Variants in AKR1C3 observed in about 807,000 individuals in gnomAD.
AKR1C3 encodes the protein 3-alpha hydroxysteroid dehydrogenase, type II.
A neutral mutation model predicts 43.6 loss-of-function variants in AKR1C3; 48 were observed. The observed-to-expected ratio is 1.10, with a 90% CI of 0.87 to 1.40. The LOEUF is 1.40. Among genes scored for constraint, AKR1C3 ranks in the 40% most tolerant of loss-of-function variants. The probability of loss-of-function intolerance (pLI) is 0.00; values close to 1 mark genes in which losing one functional copy is unlikely to be tolerated. For synonymous variants in AKR1C3, 162 were observed against 139.6 expected, an observed-to-expected ratio of 1.16 and a Z score of -1.13; for missense variants, 482 against 391.2, an observed-to-expected ratio of 1.23 and a Z score of -1.96.
chr10:5,093,281 G>A (rs1554784609), upstream of AKR1C3: 2 of 152,002 alleles, frequency 1.3e-5, no homozygotes, highest in African/African-American at 4.8e-5. Flanking sequence ...ACAAGTAGGG[G>A]CCTTTTGATC....
At chr10:5,052,658 C>T (rs1554779089) in intron 1 of AKR1C3, among the ~76,000 whole-genome samples, 1 of 152,070 alleles carries the variant, frequency 6.6e-6, no homozygotes, top group Non-Finnish European at 1.5e-5. Flanking sequence ...AAACCTCGAG[C>T]TAGATACAGA....
At chr10:5,049,964 G>A (rs914442639) in intron 1 of AKR1C3, among the ~76,000 whole-genome samples, 1 of 152,200 alleles carries the variant, frequency 6.6e-6, no homozygotes, top group Admixed American at 6.5e-5. Flanking sequence ...CACCTTCCAT[G>A]TAGGCCTGGT....
intron 1 of AKR1C3, among the ~76,000 whole-genome samples, chr10:5,085,003 C>A (rs1452589597): frequency 2.0e-5 from 3 of 152,114 alleles, no homozygotes; most frequent in African/African-American, 7.2e-5. Flanking sequence ...TTTCTAGATA[C>A]ACAATCATGT....
intron 1 of AKR1C3, among the ~76,000 whole-genome samples, chr10:5,074,268 A>ATTTGT (rs1395577159): frequency 6.6e-6 from 1 of 152,188 alleles, no homozygotes; most frequent in Non-Finnish European, 1.5e-5. Context: ...TGTCATGGTC[A>ATTTGT]TTTGTCCTCA....
intron 1 of AKR1C3, among the ~76,000 whole-genome samples, chr10:5,084,495 T>C (rs1424932872): frequency 1.1e-4 from 17 of 152,084 alleles, no homozygotes; most frequent in African/African-American, 4.1e-4. Flanking sequence ...TAGTATAGTT[T>C]GAAGTCAGGT....
At chr10:5,062,161 A>G (rs1554780309) in intron 1 of AKR1C3, among the ~76,000 whole-genome samples, 1 of 152,200 alleles carries the variant, frequency 6.6e-6, no homozygotes, top group Non-Finnish European at 1.5e-5. Flanking sequence ...CATTTTGAGG[A>G]CAGTGGTTTT....
intron 1 of AKR1C3, among the ~76,000 whole-genome samples, chr10:5,064,778 G>A (rs1487623529): frequency 6.6e-6 from 1 of 151,458 alleles, no homozygotes; most frequent in Non-Finnish European, 1.5e-5. Context: ...TATGAAAAAT[G>A]CTCAACATCA....
intron 1 of AKR1C3, among the ~76,000 whole-genome samples, chr10:5,069,286 A>G (rs1838569807): frequency 6.6e-6 from 1 of 152,220 alleles, no homozygotes; most frequent in African/African-American, 2.4e-5. Flanking sequence ...GTATGCAGAC[A>G]AACATATTGC....
intron 3 of AKR1C3, chr10:5,097,963 G>A (rs1839249980): frequency 9.5e-7 from 1 of 1,048,970 alleles, no homozygotes; most frequent in African/African-American, 1.7e-5. Context: ...AGCAGATTTG[G>A]TGGAAGCCAC....
chr10:5,107,512 G>A lies in AKR1C3; in HGVS notation c.*9G>A, dbSNP rs782818884. 2 of 1,582,538 alleles carry A rather than the reference G, an allele frequency of 1.3e-6. No homozygotes were observed. Among genetic ancestry groups the A allele is most frequent in the Non-Finnish European group, 1.7e-6 (2 of 1,152,436 alleles). ...ATTCAGATGAATATTAACATGGAGG[G>A]CTTTGCCTGATGTCTACCAGAAGCC... On this transcript the variant is annotated 3_prime_UTR_variant, in exon 9 of 9. Coordinates refer to ENST00000380554, the MANE Select transcript of AKR1C3 (RefSeq NM_003739.6).
rs549572774 is a variant in AKR1C3 at position 5,057,936 on chromosome 10, C to T, written c.84+9041C>T. The stretch of plus-strand genomic sequence containing the variant: ...GTTTGCCCTAGACCCTGTAGGACAT[C>T]TATGTACCTATCAGGATCATCTGAA... On this transcript the variant is annotated intron_variant, in intron 1 of 8. Coordinates refer to the AKR1C3 transcript ENST00000439082. Among the ~76,000 whole-genome samples, 299 of 152,292 alleles carry T rather than the reference C, an allele frequency of 2.0e-3. 2 individuals are homozygous for T. The highest frequency in any genetic ancestry group is 6.3e-3 in the African/African-American group (263 of 41,552).
chr10:5,088,626 G>C (rs919981651), intron 1 of AKR1C3, among the ~76,000 whole-genome samples: 1 of 151,210 alleles, frequency 6.6e-6, no homozygotes, highest in Non-Finnish European at 1.5e-5. Flanking sequence ...GTTTTATCTA[G>C]TATAAGAATG....
At chr10:5,075,877 A>C in intron 1 of AKR1C3, among the ~76,000 whole-genome samples, 1 of 151,916 alleles carries the variant, frequency 6.6e-6, no homozygotes, top group South Asian at 2.1e-4. Flanking sequence ...TCCATCTCAA[A>C]AAAAAAAAAG....
At chr10:5,055,893 C>A (rs1349900647) in intron 1 of AKR1C3, among the ~76,000 whole-genome samples, 1 of 152,198 alleles carries the variant, frequency 6.6e-6, no homozygotes, top group Non-Finnish European at 1.5e-5. Flanking sequence ...TTCCAAGGAA[C>A]CCCCTCAACT....
At chr10:5,107,240 T>C (rs1432867607) in intron 8 of AKR1C3, among the ~76,000 whole-genome samples, 2 of 152,234 alleles carry the variant, frequency 1.3e-5, no homozygotes, top group Non-Finnish European at 2.9e-5. Flanking sequence ...TGACTTTGTG[T>C]GTTTTACGTG....
In AKR1C3 at chr10:5,085,504, C is replaced by T. The variant is rs180681634; in HGVS notation, c.85-10906C>T. Among the ~76,000 whole-genome samples, 105 of 151,810 alleles carry T rather than the reference C, an allele frequency of 6.9e-4. 2 individuals are homozygous for T. The highest frequency in any genetic ancestry group is 1.4e-3 in the East Asian group (7 of 5,168). ...AGTATTTTATTGAGGATTTTTGCAT[C>T]GATTTCATCAGGGACATTGGTCTAA... On this transcript the variant is annotated intron_variant, in intron 1 of 8. Transcript: ENST00000439082.
chr10:5,054,479 A>C (rs988630836), intron 1 of AKR1C3, among the ~76,000 whole-genome samples: 1 of 152,210 alleles, frequency 6.6e-6, no homozygotes, highest in Non-Finnish European at 1.5e-5. Context: ...ACTAAGGTGC[A>C]GGTGCCTGTC....
chr10:5,070,150 CTG>C (rs1274178684), intron 1 of AKR1C3, among the ~76,000 whole-genome samples: 3 of 152,212 alleles, frequency 2.0e-5, no homozygotes, highest in African/African-American at 7.2e-5. Context: ...GCAGTTTTCT[CTG>C]TGTTTAGGCA....
chr10:5,107,016 T>A (rs1839520384), intron 8 of AKR1C3, among the ~76,000 whole-genome samples: 1 of 152,224 alleles, frequency 6.6e-6, no homozygotes, highest in African/African-American at 2.4e-5. Flanking sequence ...TCTGTTCCTT[T>A]ATATTTCATG....
Sources: allele counts gnomAD v4.1 joint callset (sites outside exome capture counted in the v4.1 genomes callset), GRCh38; gene constraint gnomAD v4.1.1; transcripts MANE v1.5; gene names NCBI Gene and HGNC (gene_info 2026-07-23, HGNC 2026-07-21).